Variants in SLC35F1 observed in about 807,000 individuals in gnomAD.
SLC35F1 encodes solute carrier family 35 member F1.
In SLC35F1, 14 loss-of-function variants were observed where a neutral mutation model predicts 48.7. The ratio of observed to expected loss-of-function variants is 0.29; its 90% CI spans 0.19 to 0.45. The LOEUF is 0.45. SLC35F1 is among the 20% of genes least tolerant of loss of function. The probability of loss-of-function intolerance (pLI) is 1.00; values close to 1 mark genes in which losing one functional copy is unlikely to be tolerated. For synonymous variants in SLC35F1, 190 were observed against 202.2 expected (o/e 0.94, Z 0.51); for missense variants, 404 against 500.0 (o/e 0.81, Z 1.83).
At chr6:118,054,069 A>G (rs1401080118) in intron 1 of SLC35F1, among the ~76,000 whole-genome samples, 1 of 152,148 alleles carries the variant, frequency 6.6e-6, no homozygotes, top group Non-Finnish European at 1.5e-5. Context: ...AAGGCTGAAG[A>G]TGTGTTTGTT....
rs1207983503 is a variant in SLC35F1, at chr6:117,926,905, A to G, written c.173+19006A>G. ...AGTTGCAGAGGAGAAATGGAGAGTT[A>G]TGATGTACTCTAAAGTTACATTCTA... is the stretch of plus-strand genomic sequence containing the variant. On this transcript the variant is annotated intron_variant, in intron 1 of 7. Coordinates refer to ENST00000360388, the MANE Select transcript of SLC35F1 (RefSeq NM_001029858.4). Among the ~76,000 whole-genome samples the G allele has an allele frequency of 5.3e-5, 8 of 152,124 alleles. No individual in the cohort carries two copies. The South Asian group carries it at 1.7e-3, about 31-fold the overall frequency.
intron 1 of SLC35F1, among the ~76,000 whole-genome samples, chr6:117,951,008 C>T (rs1479059617): frequency 6.6e-6 from 1 of 152,148 alleles, no homozygotes; most frequent in African/African-American, 2.4e-5. Flanking sequence ...ACATGTACAA[C>T]TGAATGAATT....
chr6:117,988,650 A>T (rs1562256628), intron 1 of SLC35F1, among the ~76,000 whole-genome samples: 1 of 152,060 alleles, frequency 6.6e-6, no homozygotes, highest in East Asian at 1.9e-4. Context: ...ATTAACTCTG[A>T]TTTTTTTTGT....
intron 1 of SLC35F1, among the ~76,000 whole-genome samples, chr6:118,129,700 A>T (rs1773682152): frequency 1.3e-5 from 2 of 152,180 alleles, no homozygotes; most frequent in Admixed American, 6.6e-5. Flanking sequence ...AGAGGGGAAA[A>T]TTAAGGATAT....
At chr6:117,956,644 C>T (rs1274506501) in intron 1 of SLC35F1, among the ~76,000 whole-genome samples, 2 of 152,194 alleles carry the variant, frequency 1.3e-5, no homozygotes, top group South Asian at 2.1e-4. Context: ...TCTGATTCAG[C>T]CACTGACTAA....
chr6:117,919,404 G>C (rs1266117383), intron 1 of SLC35F1, among the ~76,000 whole-genome samples: 1 of 152,148 alleles, frequency 6.6e-6, no homozygotes, highest in African/African-American at 2.4e-5. Context: ...ATAACATCTG[G>C]GAGAGGGCTT....
At chr6:118,031,061 C>T (rs1262507931) in intron 1 of SLC35F1, among the ~76,000 whole-genome samples, 3 of 152,122 alleles carry the variant, frequency 2.0e-5, no homozygotes, top group Non-Finnish European at 4.4e-5. Flanking sequence ...CAGCCTCCCT[C>T]ACTATCAACA....
intron 1 of SLC35F1, among the ~76,000 whole-genome samples, chr6:117,912,135 C>T (rs940803079): frequency 6.6e-6 from 1 of 152,158 alleles, no homozygotes; most frequent in Non-Finnish European, 1.5e-5. Flanking sequence ...GGGGTTTCTG[C>T]CTCTTTGAGT....
chr6:118,239,554 G>GT (rs1034499168), intron 3 of SLC35F1, among the ~76,000 whole-genome samples: 143 of 150,842 alleles, frequency 9.5e-4, no homozygotes, highest in African/African-American at 2.3e-3. Flanking sequence ...AGTTCAGTGA[G>GT]TTTTTTTTTA....
At chr6:118,261,871 C>G (rs922711562) in intron 3 of SLC35F1, among the ~76,000 whole-genome samples, 1 of 152,128 alleles carries the variant, frequency 6.6e-6, no homozygotes, top group African/African-American at 2.4e-5. Context: ...AGCAGTTGCC[C>G]GAAGCCCCTG....
intron 1 of SLC35F1, chr6:117,999,386 C>A: frequency 1.9e-6 from 3 of 1,583,232 alleles, no homozygotes; most frequent in Non-Finnish European, 2.6e-6. Context: ...GGCTGCAGCT[C>A]CAGCTTCAGT....
intron 3 of SLC35F1, among the ~76,000 whole-genome samples, chr6:118,250,464 A>G (rs1468840545): frequency 6.6e-6 from 1 of 152,210 alleles, no homozygotes; most frequent in Non-Finnish European, 1.5e-5. Flanking sequence ...CTGAGCAGAA[A>G]AGAGAAAAAT....
intron 1 of SLC35F1, among the ~76,000 whole-genome samples, chr6:118,007,209 G>T (rs1262809082): frequency 6.6e-6 from 1 of 152,136 alleles, no homozygotes; most frequent in Non-Finnish European, 1.5e-5. Context: ...TCTACACACG[G>T]TGGGGGAGCT....
rs141182166 is a variant in SLC35F1 at position 117,967,799 on chromosome 6, T to C, written c.173+59900T>C. On this transcript the variant is annotated intron_variant, in intron 1 of 7. Coordinates refer to ENST00000360388, the MANE Select transcript of SLC35F1 (RefSeq NM_001029858.4). ...GTGAGTTACCCAAAGGACATAGCTC[T>C]TTAAAGTAACTTGGGGGAGCCATTT... 1.1e-3 allele frequency among the ~76,000 whole-genome samples: 162 copies of C among 152,330 alleles called. 2 individuals are homozygous for C. The East Asian group carries it at 0.027, about 25-fold the overall frequency.
At chr6:118,071,461 A>G (rs1272734610) in intron 1 of SLC35F1, among the ~76,000 whole-genome samples, 4 of 151,652 alleles carry the variant, frequency 2.6e-5, no homozygotes, top group African/African-American at 7.3e-5. Context: ...TTCAGCTCCA[A>G]TTATGGTTGT....
At chr6:118,167,200 G>T (rs2114489213) in intron 2 of SLC35F1, among the ~76,000 whole-genome samples, 2 of 152,230 alleles carry the variant, frequency 1.3e-5, no homozygotes, top group East Asian at 3.9e-4. Context: ...GAGGAGGAGA[G>T]TGACGAGTAA....
At chr6:117,919,780 C>A (rs904225181) in intron 1 of SLC35F1, among the ~76,000 whole-genome samples, 1 of 152,134 alleles carries the variant, frequency 6.6e-6, no homozygotes, top group Non-Finnish European at 1.5e-5. Context: ...AAGTATATAG[C>A]AAGCCTCCTC....
intron 2 of SLC35F1, among the ~76,000 whole-genome samples, chr6:118,212,768 A>AAGGAAGGT: frequency 7.6e-6 from 1 of 131,928 alleles, no homozygotes; most frequent in East Asian, 2.0e-4. Flanking sequence ...GGAAGGAAGG[A>AAGGAAGGT]AGGAAGGAAG....
At chr6:118,162,117 C>A (rs1666257729) in intron 2 of SLC35F1, among the ~76,000 whole-genome samples, 1 of 152,138 alleles carries the variant, frequency 6.6e-6, no homozygotes, top group Non-Finnish European at 1.5e-5. Context: ...TACCCAAGTG[C>A]CCATCAGCTT....
Sources: gnomAD v4.1 joint callset for allele counts (sites outside exome capture counted in the v4.1 genomes callset) on GRCh38, gnomAD v4.1.1 for gene constraint, MANE v1.5 for transcripts, NCBI Gene and HGNC (gene_info 2026-07-23, HGNC 2026-07-21) for gene names.